The following DEPDC5 variants were observed in gnomAD, a reference collection of about 807,000 sequenced individuals.
DEPDC5 encodes the protein GATOR1 complex protein DEPDC5.
A neutral mutation model predicts 217.3 loss-of-function variants in DEPDC5; 73 were observed. That is an observed-to-expected ratio of 0.34 (90% CI 0.28 to 0.41). DEPDC5 has a LOEUF of 0.41. Ranked by LOEUF, DEPDC5 falls within the 10% of genes least tolerant of loss-of-function variation. The pLI, the probability that DEPDC5 is intolerant of heterozygous loss-of-function variation, is 1.00. For synonymous variants in DEPDC5, 733 were observed against 756.7 expected (o/e 0.97, Z 0.51); for missense variants, 1,675 against 2,070.1 (o/e 0.81, Z 3.70).
chr22:31,906,291 C>G lies in DEPDC5; in HGVS notation c.4606C>G (p.Gln1536Glu). Residue 1536 changes from glutamine to glutamate, a missense_variant, in exon 43 of 43, where the codon CAG (glutamine) becomes GAG (glutamate). Transcript: ENST00000651528. This position sits in a 1 kb window ranked among gnomAD's most constrained non-coding sequence, Gnocchi z 5.1. ...GCGGAACTCCACCAGCTCCACCAAC[C>G]AGAACATGTTCTGCGAGGAGCGGGT... The part of the protein sequence containing the change: ...RRRNSTSSTN[Q>E]NMFCEERVGY... 6.2e-7 allele frequency: 1 copy of G among 1,613,990 alleles called. No individual in the cohort carries two copies. Among genetic ancestry groups the G allele is most frequent in the Non-Finnish European group, 8.5e-7 (1 of 1,179,942 alleles).
chr22:31,761,662 CAA>C (rs532267383), intron 4 of DEPDC5, among the ~76,000 whole-genome samples: 29 of 97,448 alleles, frequency 3.0e-4, no homozygotes, highest in Admixed American at 4.6e-4. Flanking sequence ...GACCCTATCT[CAA>C]AAAAAAAAAA....
At chr22:31,852,248 A>G (rs954438553) in intron 31 of DEPDC5, among the ~76,000 whole-genome samples, 1 of 152,106 alleles carries the variant, frequency 6.6e-6, no homozygotes, top group Non-Finnish European at 1.5e-5. Flanking sequence ...CTTACCCATC[A>G]TCACGCGGCT....
In DEPDC5 at chr22:31,906,086, G is replaced by T. The variant is rs763682569; in HGVS notation, c.4519+20G>T. 1.9e-6 allele frequency: 3 copies of T among 1,614,078 alleles called. No homozygotes were observed. Among genetic ancestry groups the T allele is most frequent in the South Asian group, 2.2e-5 (2 of 91,076 alleles). On this transcript the variant is annotated intron_variant, in intron 42 of 42. Coordinates refer to ENST00000651528, the MANE Select transcript of DEPDC5 (RefSeq NM_001242896.3). The surrounding 1 kb of genome is among the most constrained non-coding windows in gnomAD (Gnocchi z 5.1). ...TTACAGGTGAGGAGCTACGGGCAGAGTTGGGCAGGTGGGTCCACATCCCTT... is the reference window on the plus strand; with the variant it reads ...TTACAGGTGAGGAGCTACGGGCAGATTTGGGCAGGTGGGTCCACATCCCTT...
chr22:31,875,594 A>C (rs2092967148), intron 36 of DEPDC5: 1 of 151,030 alleles, frequency 6.6e-6, no homozygotes, highest in Admixed American at 6.6e-5. Context: ...GAAGTGTCAA[A>C]TTTGTGAAAG....
chr22:31,765,455 A>AATTTTTGT (rs2082732013), intron 5 of DEPDC5, among the ~76,000 whole-genome samples: 1 of 151,768 alleles, frequency 6.6e-6, no homozygotes, highest in Non-Finnish European at 1.5e-5. Flanking sequence ...GCACCCAGCT[A>AATTTTTGT]ATTTTTGTAT....
At chr22:31,802,936 C>G in intron 15 of DEPDC5, 98 bp downstream of exon 15, 1 of 1,406,796 alleles carries the variant, frequency 7.1e-7, no homozygotes, top group Non-Finnish European at 9.4e-7. Flanking sequence ...GTGAGGAGCT[C>G]TACATAGTGT....
chr22:31,873,275 G>A lies in DEPDC5; in HGVS notation c.3506G>A (p.Ser1169Asn), dbSNP rs1249234676. 2 of 1,613,978 alleles carry A rather than the reference G, an allele frequency of 1.2e-6. No homozygotes were observed. The highest frequency in any genetic ancestry group is 1.3e-5 in the African/African-American group (1 of 74,926). ...SDSSSQQLVA[S>N]SLTSSSTLTE... is the part of the protein sequence containing the mutation. ...TACAGCTCTCAGCAGCTGGTGGCAA[G>A]CTCCTTGACCTCATCCTCTACCCTG... Residue 1169 changes from serine to asparagine, a missense_variant, in exon 35 of 43, where the codon AGC becomes AAC. This residue lies in a region of DEPDC5 where 194 missense variants were observed against 199.3 expected (regional missense o/e 0.97). Coordinates refer to ENST00000651528, the MANE Select transcript of DEPDC5 (RefSeq NM_001242896.3).
chr22:31,804,812 T>G (rs554118846), intron 16 of DEPDC5, 30 bp from the exon 17 acceptor site: 1 of 1,605,920 alleles, frequency 6.2e-7, no homozygotes, highest in South Asian at 1.1e-5. Context: ...GTTCTGTAGC[T>G]TATCTGTGCT....
chr22:31,782,380 A>G (rs1272732966), intron 8 of DEPDC5, among the ~76,000 whole-genome samples: 3 of 151,924 alleles, frequency 2.0e-5, no homozygotes, highest in Non-Finnish European at 4.4e-5. Flanking sequence ...CAGGTGATCC[A>G]CCTGCCTCAG....
chr22:31,844,071 C>G (rs774229755), intron 29 of DEPDC5, among the ~76,000 whole-genome samples: 2 of 151,932 alleles, frequency 1.3e-5, no homozygotes, highest in Non-Finnish European at 2.9e-5. Context: ...ACTAAAAATA[C>G]AAAAATTAGC....
At chr22:31,772,342 T>C (rs1381267529) in intron 7 of DEPDC5, among the ~76,000 whole-genome samples, 5 of 151,922 alleles carry the variant, frequency 3.3e-5, no homozygotes, top group African/African-American at 1.2e-4. Flanking sequence ...GTAACCAAGG[T>C]TTATGCCTCC....
rs1295186472 is a variant in DEPDC5 at position 31,766,573 on chromosome 22, T to G, written c.280-12T>G. 6.2e-7 allele frequency: 1 copy of G among 1,612,108 alleles called. No homozygotes were observed. The highest frequency in any genetic ancestry group is 2.2e-5 in the East Asian group (1 of 44,844). ...AGTAATGTCAGAGATATCATTTGAT[T>G]ATTCCTTTTAGGATGTGACCCTTGA... is the stretch of plus-strand genomic sequence containing the variant. On this transcript the variant is annotated splice_polypyrimidine_tract_variant and intron_variant, in intron 5 of 42. Transcript: ENST00000651528.
At chr22:31,882,579 G>A (rs528566418) in intron 38 of DEPDC5, among the ~76,000 whole-genome samples, 2 of 152,338 alleles carry the variant, frequency 1.3e-5, no homozygotes, top group African/African-American at 4.8e-5. Flanking sequence ...TCTTGGAAGT[G>A]TGTTTACAGA....
chr22:31,816,155 C>G (rs1346467293), intron 21 of DEPDC5, among the ~76,000 whole-genome samples: 1 of 151,784 alleles, frequency 6.6e-6, no homozygotes, highest in Non-Finnish European at 1.5e-5. Context: ...CAAAAATTAG[C>G]TAGGTGTGGT....
chr22:31,795,280 G>T (rs1190810613), intron 12 of DEPDC5, among the ~76,000 whole-genome samples: 4 of 151,850 alleles, frequency 2.6e-5, no homozygotes, highest in African/African-American at 9.7e-5. Flanking sequence ...ATCTTGGCCA[G>T]GCTGGTCTTG....
intron 25 of DEPDC5, among the ~76,000 whole-genome samples, chr22:31,835,595 A>G (rs2148939038): frequency 6.6e-6 from 1 of 152,362 alleles, no homozygotes; most frequent in Middle Eastern, 3.4e-3. Context: ...CTAAGAGGAC[A>G]TAAAGATAGA....
chr22:31,806,144 C>G lies in DEPDC5; in HGVS notation c.1240C>G (p.Leu414Val). ...NHSFYTSKSQLFCNSFTPRIK... is the reference protein window; with the variant it reads ...NHSFYTSKSQVFCNSFTPRIK... ...CAGTTTCTACACATCCAAAAGCCAG[C>G]TCTTTTGTAATAGTTTCACCCCACG... Residue 414 changes from leucine (L) to valine (V), a missense_variant, in exon 18 of 43, where the codon CTC (leucine) becomes GTC (valine). Coordinates refer to ENST00000651528, the MANE Select transcript of DEPDC5 (RefSeq NM_001242896.3). 1.9e-6 allele frequency: 3 copies of G among 1,613,818 alleles called. No individual in the cohort carries two copies. In the East Asian group the frequency reaches 6.7e-5, roughly 36 times the overall value.
At position 31,884,259 on chromosome 22, in the gene DEPDC5, C is replaced by A. The variant is rs569979950; in HGVS notation, c.4033+4507C>A. ...CCTGCACACAAGACCCCAGCCCTCG[C>A]AGTACTCAGTGTAGCACTTTGGCAG... is the stretch of plus-strand genomic sequence containing the variant. On this transcript the variant is annotated intron_variant, in intron 38 of 42. Coordinates refer to ENST00000651528, the MANE Select transcript of DEPDC5 (RefSeq NM_001242896.3). Among the ~76,000 whole-genome samples, 12 of 152,320 alleles carry A rather than the reference C, an allele frequency of 7.9e-5. No homozygotes were observed. In the South Asian group the frequency reaches 2.5e-3, roughly 32 times the overall value.
At position 31,787,827 on chromosome 22, in the gene DEPDC5, AAAAG is replaced by A. The variant is rs368745789; in HGVS notation, c.624+2955_624+2958del. On this transcript the variant is annotated intron_variant, in intron 10 of 42. Coordinates refer to ENST00000651528, the MANE Select transcript of DEPDC5 (RefSeq NM_001242896.3). Reference sequence around the variant, plus strand: ...ACCCTGTCTCTTTAAAAAAAAAAAAAAAAGAAGAAGAAAAAAGAAGACAACCCAC... The same window carrying A: ...ACCCTGTCTCTTTAAAAAAAAAAAAAAAGAAGAAAAAAGAAGACAACCCAC... Among the ~76,000 whole-genome samples, 79 of 151,412 alleles carry A rather than the reference AAAAG, an allele frequency of 5.2e-4. No homozygotes were observed. In the East Asian group the frequency reaches 6.2e-3, roughly 12 times the overall value.
Sources: gnomAD v4.1 joint callset for allele counts (sites outside exome capture counted in the v4.1 genomes callset) on GRCh38, gnomAD v4.1.1 for gene constraint, gnomAD v4.1.1 regional missense constraint, Gnocchi (gnomAD v3.1) non-coding constraint, MANE v1.5 for transcripts, NCBI Gene and HGNC (gene_info 2026-07-23, HGNC 2026-07-21) for gene names.